Variants in WDR59 observed in about 807,000 individuals in gnomAD.
WDR59 encodes WD repeat domain 59, also known as GATOR2 complex protein WDR59.
WDR59 carries 100 observed loss-of-function variants against 131.2 expected under a neutral mutation model. The ratio of observed to expected loss-of-function variants is 0.76; its 90% confidence interval spans 0.65 to 0.90. The LOEUF (loss-of-function observed/expected upper bound fraction) is 0.90. Ranked by LOEUF, WDR59 falls within the 40% of genes least tolerant of loss-of-function variation. WDR59 has a pLI of 0.00. For synonymous variants in WDR59, 601 were observed against 466.2 expected (o/e 1.29, Z -3.72); for missense variants, 1,203 against 1,262.2 (o/e 0.95, Z 0.71).
intron 17 of WDR59, 101 bp downstream of exon 17, chr16:74,908,807 T>C (rs1394276405): frequency 1.9e-5 from 16 of 833,906 alleles, no homozygotes; most frequent in Non-Finnish European, 2.9e-5. Flanking sequence ...ACTGAAGAAC[T>C]GAAATGCACT....
At chr16:74,954,001 C>CA (rs71378722) in intron 3 of WDR59, among the ~76,000 whole-genome samples, 56,444 of 131,186 alleles carry the variant, frequency 0.43, 11,125 homozygotes, top group East Asian at 0.73. Flanking sequence ...GACTCCGTCT[C>CA]AAAAAAAAAA....
Position 74,985,026 on chromosome 16 carries a change from C to A in WDR59, c.-9G>T. 2 of 1,568,560 alleles carry A rather than the reference C, an allele frequency of 1.3e-6. No individual in the cohort carries two copies. Among genetic ancestry groups the A allele is most frequent in the Non-Finnish European group, 1.7e-6 (2 of 1,156,410 alleles). ...CTCCATCGCGCCGCCATCTCCCCCG[C>A]CCGGCCGCCGCGGCCCCAGGACGGC... On this transcript the variant is annotated 5_prime_UTR_variant, in exon 1 of 26. Transcript: ENST00000262144.
chr16:74,888,308 T>G lies in WDR59; in HGVS notation c.2207A>C (p.Tyr736Ser). The change falls in exon 22 of 26, where the codon TAT becomes TCT. Residue 736 changes from tyrosine to serine, a missense_variant. By Grantham distance (144) the Tyr-to-Ser change is moderately radical. Coordinates refer to ENST00000262144, the MANE Select transcript of WDR59 (RefSeq NM_030581.4). Reference protein sequence around the residue: ...RQLLESLLAHYCRLRDVQTLA... With the variant: ...RQLLESLLAHSCRLRDVQTLA... ...TGTCTGAACATCCCGGAGCCGGCAA[T>G]AGTGAGCCAACCTGAGGAAAAGATA... 1 of 1,612,350 alleles carries G rather than the reference T, an allele frequency of 6.2e-7. No homozygotes were observed. The highest frequency in any genetic ancestry group is 8.5e-7 in the Non-Finnish European group (1 of 1,179,450).
chr16:74,908,309 T>C (rs1449791796), intron 17 of WDR59, among the ~76,000 whole-genome samples: 2 of 152,104 alleles, frequency 1.3e-5, no homozygotes, highest in Non-Finnish European at 2.9e-5. Flanking sequence ...TCCCAGCTAC[T>C]TGGGAGGCTG....
chr16:74,907,296 G>C (rs1965863329), intron 17 of WDR59, among the ~76,000 whole-genome samples: 1 of 152,118 alleles, frequency 6.6e-6, no homozygotes, highest in Non-Finnish European at 1.5e-5. Context: ...ATCTCATCTT[G>C]AATTGTAATC....
intron 1 of WDR59, among the ~76,000 whole-genome samples, chr16:74,981,660 A>ATATATATTT (rs1567451007): frequency 1.2e-5 from 1 of 80,860 alleles, no homozygotes; most frequent in African/African-American, 7.4e-5. Flanking sequence ...ATATATATAT[A>ATATATATTT]TTTTTTTTTT....
chr16:74,968,369 G>GA (rs1460059887), intron 1 of WDR59, among the ~76,000 whole-genome samples: 1 of 152,188 alleles, frequency 6.6e-6, no homozygotes, highest in Non-Finnish European at 1.5e-5. Context: ...TAGGAGCTGA[G>GA]AGTGCCTCGA....
At chr16:74,931,538 T>C (rs2031384642) in intron 8 of WDR59, among the ~76,000 whole-genome samples, 1 of 152,082 alleles carries the variant, frequency 6.6e-6, no homozygotes, top group African/African-American at 2.4e-5. Flanking sequence ...GGTTTTGCCA[T>C]GTTGCCCAGG....
intron 8 of WDR59, among the ~76,000 whole-genome samples, chr16:74,924,672 G>C (rs575958748): frequency 6.6e-6 from 1 of 152,316 alleles, no homozygotes; most frequent in East Asian, 1.9e-4. Context: ...CATACGCTTA[G>C]AACTCCAGCA....
chr16:74,938,834 G>A (rs1054249135), intron 7 of WDR59, among the ~76,000 whole-genome samples: 5 of 150,198 alleles, frequency 3.3e-5, no homozygotes, highest in East Asian at 2.0e-4. Context: ...CACTGTGCCC[G>A]GCCTCACACT....
At position 74,957,376 on chromosome 16, in the gene WDR59, C is replaced by T. The variant is rs567051991; in HGVS notation, c.105-766G>A. Among the ~76,000 whole-genome samples, 5 of 152,108 alleles carry T rather than the reference C, an allele frequency of 3.3e-5. No homozygotes were observed. In the South Asian group the frequency reaches 8.3e-4, roughly 25 times the overall value. ...GATTACAGGCACAAGGAACCATGCC[C>T]GGCTGTCTTGAATATCTCTGTATGC... is the stretch of plus-strand genomic sequence containing the variant. On this transcript the variant is annotated intron_variant, in intron 2 of 25. Transcript: ENST00000262144.
At chr16:74,913,242 G>T (rs1412518169) in intron 13 of WDR59, among the ~76,000 whole-genome samples, 1 of 152,008 alleles carries the variant, frequency 6.6e-6, no homozygotes, top group Non-Finnish European at 1.5e-5. Flanking sequence ...AGATTTCAGG[G>T]GGCCTGTTCC....
chr16:74,872,255 A>G lies in WDR59; in HGVS notation c.*1954T>C, dbSNP rs1316411428. 6.6e-6 allele frequency: 1 copy of G among 152,200 alleles called. No homozygotes were observed. The highest frequency in any genetic ancestry group is 1.5e-5 in the Non-Finnish European group (1 of 68,034). 9.4% of individuals were successfully genotyped at this position (152,200 alleles called of 1,614,324 possible). On this transcript the variant is annotated 3_prime_UTR_variant, in exon 26 of 26. Coordinates refer to ENST00000262144, the MANE Select transcript of WDR59 (RefSeq NM_030581.4). ...GGAGTTTGAAACACATGAATATGCA[A>G]TGCTCTCCCATTATGAGACATGTCC...
rs954627855 is a variant in WDR59, at chr16:74,891,063, G to A, written c.2083-1248C>T. Among the ~76,000 whole-genome samples the A allele has an allele frequency of 8.8e-5, 13 of 147,422 alleles. 1 individual carries two copies. Among genetic ancestry groups the A allele is most frequent in the East Asian group, 2.0e-4 (1 of 5,050 alleles). ...TGGGAGGCAGAGGTTGCAGTGAGCCGAGATCACGCCCTGCACTCCAGCCTG... is the reference window on the plus strand; with the variant it reads ...TGGGAGGCAGAGGTTGCAGTGAGCCAAGATCACGCCCTGCACTCCAGCCTG... On this transcript the variant is annotated intron_variant, in intron 20 of 25. Coordinates refer to ENST00000262144, the MANE Select transcript of WDR59 (RefSeq NM_030581.4).
chr16:74,900,091 A>C (rs564306526), intron 18 of WDR59, among the ~76,000 whole-genome samples: 1 of 152,218 alleles, frequency 6.6e-6, no homozygotes, highest in Non-Finnish European at 1.5e-5. Flanking sequence ...ACACACTGAG[A>C]TCATTGTGCA....
chr16:74,930,196 A>G (rs1057398879), intron 8 of WDR59, among the ~76,000 whole-genome samples: 2 of 152,196 alleles, frequency 1.3e-5, no homozygotes, highest in African/African-American at 2.4e-5. Context: ...AAAGGGTATG[A>G]TTAGAATGTT....
At chr16:74,949,448 G>A (rs2032861515) in intron 5 of WDR59, among the ~76,000 whole-genome samples, 1 of 151,038 alleles carries the variant, frequency 6.6e-6, no homozygotes, top group Admixed American at 6.6e-5. Flanking sequence ...GAAAGAAGGA[G>A]GGAGGGAAGG....
intron 11 of WDR59, 152 bp from the exon 12 acceptor site, chr16:74,916,411 G>T: frequency 1.1e-6 from 1 of 952,066 alleles, no homozygotes; most frequent in Non-Finnish European, 1.6e-6. Flanking sequence ...TTTACCCATT[G>T]CCAACTCTCC....
chr16:74,909,559 C>T lies in WDR59; in HGVS notation c.1584G>A (p.Ser528=), dbSNP rs138767183. ...TFARVTTAYG[S]YQDANIPFPR... ...GAAAGGGAATGTTGGCGTCCTGGTA[C>T]GACCCGTAAGCCGTGGTCACCCGCG... The change falls in exon 16 of 26, where the codon TCG becomes TCA. Residue 528 remains serine (S), a synonymous_variant. Coordinates refer to ENST00000262144, the MANE Select transcript of WDR59 (RefSeq NM_030581.4). 1.8e-4 allele frequency: 284 copies of T among 1,610,134 alleles called. No homozygotes were observed. Among genetic ancestry groups the T allele is most frequent in the Admixed American group, 8.7e-4 (52 of 59,558 alleles).
Sources: gnomAD v4.1 joint callset for allele counts (sites outside exome capture counted in the v4.1 genomes callset) on GRCh38, gnomAD v4.1.1 for gene constraint, MANE v1.5 for transcripts, NCBI Gene and HGNC (gene_info 2026-07-23, HGNC 2026-07-21) for gene names.